The following CCND2 variants were observed in gnomAD, a reference collection of about 807,000 sequenced individuals.
The protein encoded by CCND2 is G1/S-specific cyclin-D2.
A neutral mutation model predicts 30.2 loss-of-function variants in CCND2; 6 were observed. The observed-to-expected ratio is 0.20, with a 90% CI of 0.11 to 0.39. The LOEUF is 0.39. Ranked by LOEUF, CCND2 falls within the 10% of genes least tolerant of loss-of-function variation. CCND2 has a pLI of 1.00. For missense variants in CCND2, 235 were observed against 373.4 expected (o/e 0.63, Z 3.06); for synonymous variants, 150 against 153.1 (o/e 0.98, Z 0.15).
intron 4 of CCND2, among the ~76,000 whole-genome samples, chr12:4,295,548 G>A (rs372912087): frequency 1.3e-5 from 2 of 152,308 alleles, no homozygotes; most frequent in Admixed American, 6.5e-5. Context: ...AGGCCAAGGC[G>A]GGTGGATCAT....
intron 3 of CCND2, among the ~76,000 whole-genome samples, chr12:4,280,484 G>A (rs1273056201): frequency 1.3e-5 from 2 of 152,248 alleles, no homozygotes; most frequent in African/African-American, 4.8e-5. Context: ...GTGCCCCTTG[G>A]TGGGAGAGTC....
chr12:4,278,543 TTA>T (rs1269795428), intron 2 of CCND2: 1 of 445,452 alleles, frequency 2.2e-6, no homozygotes, highest in Admixed American at 3.9e-5. Context: ...TGGGCTCTCA[TTA>T]TTTTCAGTGG....
At chr12:4,290,331 G>A (rs1475402044) in intron 4 of CCND2, among the ~76,000 whole-genome samples, 2 of 152,184 alleles carry the variant, frequency 1.3e-5, no homozygotes, top group African/African-American at 2.4e-5. Context: ...CCAAACATAC[G>A]CTTTTTAAAC....
Position 4,287,489 on chromosome 12 carries a change from A to G in CCND2, c.572-1353A>G, listed in dbSNP as rs1262785583. ...TCTCCTGCCCCCACGTGCCCCTTCC[A>G]TGTCTACACACAGTAAGCTCACTAG... On this transcript the variant is annotated intron_variant, in intron 3 of 4. Transcript: ENST00000261254. The surrounding 1 kb of genome is among the most constrained non-coding windows in gnomAD (Gnocchi z 4.0). Among the ~76,000 whole-genome samples the G allele has an allele frequency of 6.6e-6, 1 of 152,132 alleles. No homozygotes were observed. Among genetic ancestry groups the G allele is most frequent in the Non-Finnish European group, 1.5e-5 (1 of 68,014 alleles).
At chr12:4,279,956 A>G (rs1261169773) in intron 3 of CCND2, among the ~76,000 whole-genome samples, 1 of 151,452 alleles carries the variant, frequency 6.6e-6, no homozygotes, top group African/African-American at 2.4e-5. Flanking sequence ...GGTGAGTTCT[A>G]CGGAACGGAT....
chr12:4,283,224 G>A (rs1863974734), intron 3 of CCND2, among the ~76,000 whole-genome samples: 1 of 152,226 alleles, frequency 6.6e-6, no homozygotes, highest in Non-Finnish European at 1.5e-5. Context: ...AGGGAGCCCA[G>A]CGGGACCCCC....
intron 2 of CCND2, 187 bp from the exon 3 acceptor site, chr12:4,278,573 A>G (rs930442917): frequency 2.0e-6 from 1 of 497,440 alleles, no homozygotes; most frequent in Non-Finnish European, 3.6e-6. Context: ...CATTTGAAGC[A>G]TAAGAAGAGC....
Position 4,285,843 on chromosome 12 carries a change from T to C in CCND2, c.572-2999T>C, listed in dbSNP as rs1262456977. ...CCTACCAGTAGAGAGGGGGATGTCCTTGAGAGTGGTCCTGGGGCAGCCCTG... is the reference window on the plus strand; with the variant it reads ...CCTACCAGTAGAGAGGGGGATGTCCCTGAGAGTGGTCCTGGGGCAGCCCTG... On this transcript the variant is annotated intron_variant, in intron 3 of 4. Transcript: ENST00000261254. This position sits in a 1 kb window ranked among gnomAD's most constrained non-coding sequence, Gnocchi z 4.1. Among the ~76,000 whole-genome samples the C allele has an allele frequency of 6.6e-6, 1 of 152,202 alleles. No homozygotes were observed. The highest frequency in any genetic ancestry group is 2.4e-5 in the African/African-American group (1 of 41,456).
rs958532965 is a variant in CCND2, at chr12:4,303,150, C to A, written c.*3141C>A. 2 of 233,310 alleles carry A rather than the reference C, an allele frequency of 8.6e-6. No homozygotes were observed. Among genetic ancestry groups the A allele is most frequent in the Non-Finnish European group, 1.7e-5 (2 of 118,138 alleles). 14.5% of individuals were successfully genotyped at this position (233,310 alleles called of 1,614,324 possible). Reference sequence around the variant, plus strand: ...AAGCCTACCCGACTCTATTTACAGTCTGTAACTTTCCACTCTTCCTGTAGT... The same window carrying A: ...AAGCCTACCCGACTCTATTTACAGTATGTAACTTTCCACTCTTCCTGTAGT... On this transcript the variant is annotated 3_prime_UTR_variant, in exon 5 of 5. Coordinates refer to ENST00000261254, the MANE Select transcript of CCND2 (RefSeq NM_001759.4). The surrounding 1 kb of genome is among the most constrained non-coding windows in gnomAD (Gnocchi z 4.6).
chr12:4,294,612 A>G (rs1013053113), intron 4 of CCND2, among the ~76,000 whole-genome samples: 1 of 152,184 alleles, frequency 6.6e-6, no homozygotes, highest in African/African-American at 2.4e-5. Context: ...GTCAAGGTAT[A>G]TAGGAAAAAG....
At position 4,293,978 on chromosome 12, in the gene CCND2, GC is replaced by G; in HGVS notation, c.720+4990del. ...GGTATGCAAGGAAATAAGCCAAACA[GC>G]CTGTGAAGAAAGGAAGAATGAGATA... On this transcript the variant is annotated intron_variant, in intron 4 of 4. Transcript: ENST00000261254. The surrounding 1 kb of genome is among the most constrained non-coding windows in gnomAD (Gnocchi z 4.9). 6.6e-6 allele frequency among the ~76,000 whole-genome samples: 1 copy of G among 152,268 alleles called. No individual in the cohort carries two copies. Among genetic ancestry groups the G allele is most frequent in the African/African-American group, 2.4e-5 (1 of 41,518 alleles).
At chr12:4,294,065 C>T (rs998821540) in intron 4 of CCND2, among the ~76,000 whole-genome samples, 4 of 152,166 alleles carry the variant, frequency 2.6e-5, no homozygotes, top group Admixed American at 1.3e-4. Context: ...AGCCCTTTGT[C>T]CCCCTGTTGA....
At position 4,274,105 on chromosome 12, in the gene CCND2, G is replaced by A. The variant is rs556058578; in HGVS notation, c.65G>A (p.Arg22Gln). 4.8e-5 allele frequency: 77 copies of A among 1,613,948 alleles called. 1 individual carries two copies. In the South Asian group the frequency reaches 7.7e-4, roughly 16 times the overall value. ...RRAVRDRNLLRDDRVLQNLLT... is the reference protein window; with the variant it reads ...RRAVRDRNLLQDDRVLQNLLT... ...GCCGTGCGGGACCGCAACCTGCTCC[G>A]AGACGACCGCGTCCTGCAGAACCTG... The change falls in exon 1 of 5, where the codon CGA becomes CAA. Residue 22 changes from arginine to glutamine, a missense_variant. Coordinates refer to ENST00000261254, the MANE Select transcript of CCND2 (RefSeq NM_001759.4). This position sits in a 1 kb window ranked among gnomAD's most constrained non-coding sequence, Gnocchi z 7.7.
Position 4,282,329 on chromosome 12 carries a change from C to T in CCND2, c.571+3410C>T, listed in dbSNP as rs940270491. Among the ~76,000 whole-genome samples the T allele has an allele frequency of 1.6e-4, 25 of 152,120 alleles. No homozygotes were observed. Among genetic ancestry groups the T allele is most frequent in the Non-Finnish European group, 2.9e-4 (20 of 68,014 alleles). On this transcript the variant is annotated intron_variant, in intron 3 of 4. Transcript: ENST00000261254. The surrounding 1 kb of genome is among the most constrained non-coding windows in gnomAD (Gnocchi z 4.3). ...TGCACCTTGGTATTTGTGCCACACA[C>T]GGTAGCCACCCCCAGGCCTCCCCAC...
At position 4,299,808 on chromosome 12, in the gene CCND2, C is replaced by T. The variant is rs1312874895; in HGVS notation, c.721-52C>T. 3 of 1,551,534 alleles carry T rather than the reference C, an allele frequency of 1.9e-6. No homozygotes were observed. Among genetic ancestry groups the T allele is most frequent in the Non-Finnish European group, 2.6e-6 (3 of 1,133,182 alleles). ...TTACGCATGTTTTCTCCGTAGGATGCTCTATGTCCTGTTCCTCTTACTAAC... is the reference window on the plus strand; with the variant it reads ...TTACGCATGTTTTCTCCGTAGGATGTTCTATGTCCTGTTCCTCTTACTAAC... On this transcript the variant is annotated intron_variant, in intron 4 of 4. Coordinates refer to ENST00000261254, the MANE Select transcript of CCND2 (RefSeq NM_001759.4). The surrounding 1 kb of genome is among the most constrained non-coding windows in gnomAD (Gnocchi z 5.2).
rs1017772370 is a variant in CCND2, at chr12:4,304,289, G to T, written c.*4280G>T. 1 of 233,640 alleles carries T rather than the reference G, an allele frequency of 4.3e-6. No homozygotes were observed. Among genetic ancestry groups the T allele is most frequent in the African/African-American group, 2.2e-5 (1 of 45,458 alleles). 14.5% of individuals were successfully genotyped at this position (233,640 alleles called of 1,614,324 possible). ...AGCCAGTTGGCTTCTAAGCCAAAAG[G>T]ATTCCTCTTTGTTTATCTCTGAGAC... On this transcript the variant is annotated 3_prime_UTR_variant, in exon 5 of 5. Transcript: ENST00000261254. This position sits in a 1 kb window ranked among gnomAD's most constrained non-coding sequence, Gnocchi z 6.2.
chr12:4,278,964 T>G lies in CCND2; in HGVS notation c.571+45T>G, dbSNP rs1213577963. ...GGGGAGGGAGATGGGGGAGCTCTTTTGGGAGATGTCCGGGGAGAGGCAAAA... is the reference window on the plus strand; with the variant it reads ...GGGGAGGGAGATGGGGGAGCTCTTTGGGGAGATGTCCGGGGAGAGGCAAAA... On this transcript the variant is annotated intron_variant, in intron 3 of 4. Coordinates refer to ENST00000261254, the MANE Select transcript of CCND2 (RefSeq NM_001759.4). 2.5e-6 allele frequency: 4 copies of G among 1,578,172 alleles called. No homozygotes were observed. In the African/African-American group the frequency reaches 4.0e-5, roughly 16 times the overall value.
intron 4 of CCND2, among the ~76,000 whole-genome samples, chr12:4,298,156 T>C (rs895038919): frequency 2.6e-4 from 40 of 152,224 alleles, no homozygotes; most frequent in Non-Finnish European, 1.0e-4. Context: ...GTGGGGAAAC[T>C]GAGATCAGAA....
chr12:4,286,669 GA>G (rs1266627617), intron 3 of CCND2, among the ~76,000 whole-genome samples: 1 of 152,220 alleles, frequency 6.6e-6, no homozygotes, highest in African/African-American at 2.4e-5. Flanking sequence ...GGACTCCCCT[GA>G]AAATCTTCTT....
Sources: gnomAD v4.1 joint callset for allele counts (sites outside exome capture counted in the v4.1 genomes callset) on GRCh38, gnomAD v4.1.1 for gene constraint, Gnocchi (gnomAD v3.1) non-coding constraint, MANE v1.5 for transcripts, NCBI Gene and HGNC (gene_info 2026-07-23, HGNC 2026-07-21) for gene names.